The following AFDN variants were observed in gnomAD, a reference collection of about 807,000 sequenced individuals.
AFDN encodes the protein afadin, adherens junction formation factor, also known as afadin.
A neutral mutation model predicts 216.6 loss-of-function variants in AFDN; 68 were observed. The observed-to-expected ratio is 0.31, with a 90% confidence interval of 0.26 to 0.38. The LOEUF (loss-of-function observed/expected upper bound fraction) is 0.38, where lower values mean the gene tolerates loss of function less well. AFDN is among the 10% of genes least tolerant of loss of function. The pLI, the probability that AFDN is intolerant of heterozygous loss-of-function variation, is 1.00. For missense variants in AFDN, 2,136 were observed against 2,342.0 expected, an observed-to-expected ratio of 0.91 and a Z score of 1.82; for synonymous variants, 868 against 853.7, an observed-to-expected ratio of 1.02 and a Z score of -0.29.
At chr6:167,965,071 G>T (rs1583076633) in intron 31 of AFDN, 6 of 1,031,810 alleles carry the variant, frequency 5.8e-6, no homozygotes, top group Non-Finnish European at 5.8e-6. Context: ...CTGTTAGGGA[G>T]TTTCTTAAGA....
intron 12 of AFDN, among the ~76,000 whole-genome samples, chr6:167,902,702 C>CCT (rs1440228689): frequency 1.1e-4 from 17 of 152,276 alleles, no homozygotes; most frequent in Admixed American, 2.0e-4. Context: ...GTCTCTGTCT[C>CCT]CTCTCTCAAA....
At chr6:167,896,857 G>A in intron 9 of AFDN, 21 bp from the exon 10 acceptor site, 2 of 1,511,808 alleles carry the variant, frequency 1.3e-6, no homozygotes, top group Non-Finnish European at 1.8e-6. Flanking sequence ...AAATAGAGCT[G>A]TCTTCCTTCT....
intron 1 of AFDN, chr6:167,863,834 A>G (rs962059054): frequency 7.7e-6 from 4 of 518,242 alleles, no homozygotes; most frequent in African/African-American, 7.7e-5. Flanking sequence ...AAATGCGTTC[A>G]TTGATTATGG....
At chr6:167,835,300 T>G (rs1001845254) in intron 1 of AFDN, among the ~76,000 whole-genome samples, 2 of 152,250 alleles carry the variant, frequency 1.3e-5, no homozygotes, top group African/African-American at 2.4e-5. Context: ...CTTGAAGAGA[T>G]AAGCTTGCGT....
rs138145086 is a variant in AFDN at position 167,914,278 on chromosome 6, A to C, written c.2169A>C (p.Gln723His). The C allele has an allele frequency of 6.2e-7, 1 of 1,614,148 alleles. No individual in the cohort carries two copies. Among genetic ancestry groups the C allele is most frequent in the South Asian group, 1.1e-5 (1 of 91,080 alleles). Residue 723 changes from glutamine (Q) to histidine (H), a missense_variant, in exon 17 of 34, where the codon CAA (glutamine) becomes CAC (histidine). Physicochemically the swap from Gln to His is conservative, Grantham distance 24. Coordinates refer to ENST00000683244, the MANE Select transcript of AFDN (RefSeq NM_001386888.1). ...RDLSRITLDA[Q>H]DVLAHLVQMA... Reference sequence around the variant, plus strand: ...TTAGTCGGATCACACTGGATGCTCAAGATGTTTTAGCACATTTGGTTCAAA... The same window carrying C: ...TTAGTCGGATCACACTGGATGCTCACGATGTTTTAGCACATTTGGTTCAAA...
intron 11 of AFDN, among the ~76,000 whole-genome samples, chr6:167,899,689 T>G (rs1788703984): frequency 6.6e-6 from 1 of 152,226 alleles, no homozygotes; most frequent in Non-Finnish European, 1.5e-5. Context: ...TGTTTATTTT[T>G]TAGGCTCACT....
intron 1 of AFDN, among the ~76,000 whole-genome samples, chr6:167,849,280 A>G (rs1038494530): frequency 1.3e-5 from 2 of 151,722 alleles, no homozygotes; most frequent in South Asian, 2.1e-4. Context: ...CCTTGATTTT[A>G]TATGTTTATC....
chr6:167,900,694 A>G (rs1315029047), intron 11 of AFDN, among the ~76,000 whole-genome samples: 1 of 152,218 alleles, frequency 6.6e-6, no homozygotes, highest in Non-Finnish European at 1.5e-5. Flanking sequence ...TTCTACTCAC[A>G]TACTACCCAC....
At chr6:167,883,094 G>A (rs946152549) in intron 6 of AFDN, among the ~76,000 whole-genome samples, 6 of 152,032 alleles carry the variant, frequency 3.9e-5, no homozygotes, top group Non-Finnish European at 8.8e-5. Context: ...TTGTCCAGCA[G>A]AATGATGGAG....
chr6:167,899,430 A>C (rs1157430073), intron 11 of AFDN, among the ~76,000 whole-genome samples: 2 of 152,078 alleles, frequency 1.3e-5, no homozygotes, highest in African/African-American at 2.4e-5. Context: ...TTCATCTTTA[A>C]ACTAGTGTAT....
At chr6:167,868,217 T>G (rs1269262576) in intron 2 of AFDN, among the ~76,000 whole-genome samples, 1 of 152,136 alleles carries the variant, frequency 6.6e-6, no homozygotes, top group African/African-American at 2.4e-5. Context: ...CCAGAGATAG[T>G]ATCTGTAAAA....
chr6:167,874,559 TA>T (rs898859559), intron 4 of AFDN, among the ~76,000 whole-genome samples: 41 of 151,340 alleles, frequency 2.7e-4, no homozygotes, highest in East Asian at 9.7e-4. Flanking sequence ...TTTTAGGTGT[TA>T]AAAAAAATCA....
At chr6:167,870,805 G>C (rs981080354) in intron 3 of AFDN, among the ~76,000 whole-genome samples, 129 of 151,854 alleles carry the variant, frequency 8.5e-4, no homozygotes, top group Non-Finnish European at 6.9e-4. Flanking sequence ...TATAAAATCA[G>C]AATAGTTCTA....
chr6:167,926,073 A>G (rs1357306704), intron 23 of AFDN, among the ~76,000 whole-genome samples: 1 of 152,232 alleles, frequency 6.6e-6, no homozygotes, highest in Non-Finnish European at 1.5e-5. Flanking sequence ...GCTAATAGTC[A>G]AAAATTTTAG....
chr6:167,877,695 T>C (rs1190082624), intron 5 of AFDN, among the ~76,000 whole-genome samples: 1 of 152,224 alleles, frequency 6.6e-6, no homozygotes, highest in East Asian at 1.9e-4. Flanking sequence ...AATATATCCT[T>C]ACAGCCTACT....
chr6:167,835,184 G>T (rs775063336), intron 1 of AFDN, among the ~76,000 whole-genome samples: 1 of 152,168 alleles, frequency 6.6e-6, no homozygotes, highest in Non-Finnish European at 1.5e-5. Flanking sequence ...CAGAAAAATT[G>T]TAAGTATAGG....
Position 167,827,161 on chromosome 6 carries a change from G to A in AFDN, c.29G>A (p.Arg10Gln). The change falls in exon 1 of 34, where the codon CGG becomes CAG. Residue 10 changes from arginine to glutamine, a missense_variant. Arg to Gln is a conservative substitution (Grantham distance 43). Around this residue, in one of 8 missense-constraint regions of AFDN, gnomAD observed 81 missense variants for 51.2 expected, o/e 1.58. Transcript: ENST00000683244. MSAGGRDEE[R>Q]RKLADIIHHW... ...TCGGCGGGCGGCCGTGACGAGGAGC[G>A]GCGGAAGCTGGCCGACATCATCCAC... The A allele has an allele frequency of 1.5e-6, 2 of 1,300,216 alleles. No individual in the cohort carries two copies. Among genetic ancestry groups the A allele is most frequent in the South Asian group, 2.6e-5 (2 of 76,630 alleles). The allele number at this position is 1,300,216 out of a possible 1,614,324, so 80.5% of individuals were successfully genotyped here.
At chr6:167,890,388 T>C (rs927816749) in intron 7 of AFDN, among the ~76,000 whole-genome samples, 2 of 152,236 alleles carry the variant, frequency 1.3e-5, no homozygotes, top group Non-Finnish European at 2.9e-5. Flanking sequence ...TTTATTTCAA[T>C]AGGCTTTTGC....
chr6:167,861,530 C>A (rs1174219484), intron 1 of AFDN, among the ~76,000 whole-genome samples: 2 of 152,066 alleles, frequency 1.3e-5, no homozygotes, highest in Non-Finnish European at 2.9e-5. Flanking sequence ...AGTAGCTGGG[C>A]CACATTGGTA....
Sources: allele counts gnomAD v4.1 joint callset (sites outside exome capture counted in the v4.1 genomes callset), GRCh38; gene constraint gnomAD v4.1.1; regional missense constraint gnomAD v4.1.1; transcripts MANE v1.5; gene names NCBI Gene and HGNC (gene_info 2026-07-23, HGNC 2026-07-21).